Variants in CELF4 observed in about 807,000 individuals in gnomAD.
The protein encoded by CELF4 is CUGBP Elav-like family member 4, also known as CUG-BP- and ETR-3-like factor 4.
A neutral mutation model predicts 59.9 loss-of-function variants in CELF4; 18 were observed. The observed-to-expected ratio is 0.30, with a 90% CI of 0.21 to 0.45. The LOEUF is 0.45. CELF4 is among the 20% of genes least tolerant of loss of function. The pLI is 1.00. For synonymous variants in CELF4, 261 were observed against 267.1 expected, an observed-to-expected ratio of 0.98 and a Z score of 0.22; for missense variants, 456 against 689.0, an observed-to-expected ratio of 0.66 and a Z score of 3.79.
chr18:37,248,008 C>T (rs966425130), intron 12 of CELF4, among the ~76,000 whole-genome samples: 1 of 152,156 alleles, frequency 6.6e-6, no homozygotes, highest in African/African-American at 2.4e-5. Context: ...GCTATGGTAA[C>T]TGCTGTGTCC....
intron 1 of CELF4, among the ~76,000 whole-genome samples, chr18:37,496,023 GT>G (rs1156888515): frequency 1.3e-5 from 2 of 152,016 alleles, no homozygotes; most frequent in African/African-American, 4.8e-5. Context: ...CCCCAGCAGT[GT>G]GTGACCATAT....
chr18:37,505,296 A>C (rs1409838327), intron 1 of CELF4, among the ~76,000 whole-genome samples: 2 of 151,732 alleles, frequency 1.3e-5, no homozygotes, highest in African/African-American at 2.4e-5. Context: ...TCGTCTCCAC[A>C]CTCCCTTTCT....
chr18:37,516,329 C>T (rs1487147363), intron 1 of CELF4, among the ~76,000 whole-genome samples: 2 of 152,054 alleles, frequency 1.3e-5, no homozygotes, highest in Non-Finnish European at 2.9e-5. Context: ...TGTTAAGCAT[C>T]GCTTCCTCCT....
intron 1 of CELF4, among the ~76,000 whole-genome samples, chr18:37,516,136 C>CA (rs959786173): frequency 6.6e-6 from 1 of 151,918 alleles, no homozygotes; most frequent in Admixed American, 6.5e-5. Context: ...TTTTTTCTGG[C>CA]AAAAAATATT....
At chr18:37,315,915 T>C (rs975666732) in intron 3 of CELF4, among the ~76,000 whole-genome samples, 11 of 152,226 alleles carry the variant, frequency 7.2e-5, no homozygotes, top group East Asian at 3.9e-4. Context: ...GAGGCCATGG[T>C]AGTCAGAGCC....
intron 2 of CELF4, among the ~76,000 whole-genome samples, chr18:37,419,329 G>C (rs2154593479): frequency 6.6e-6 from 1 of 152,342 alleles, no homozygotes; most frequent in South Asian, 2.1e-4. Context: ...GATGCACTGA[G>C]GAGGAGGTTA....
chr18:37,350,716 AG>A (rs2098421162), intron 2 of CELF4, among the ~76,000 whole-genome samples: 2 of 152,212 alleles, frequency 1.3e-5, no homozygotes, highest in African/African-American at 2.4e-5. Context: ...TGACCTCGCA[AG>A]GGTCCCTTTA....
chr18:37,362,025 C>T (rs966362681), intron 2 of CELF4, among the ~76,000 whole-genome samples: 2 of 152,136 alleles, frequency 1.3e-5, no homozygotes, highest in Non-Finnish European at 2.9e-5. Context: ...GTCCCCTTCA[C>T]CTGGGTCCTG....
At chr18:37,378,325 G>C (rs1362700592) in intron 2 of CELF4, among the ~76,000 whole-genome samples, 6 of 152,154 alleles carry the variant, frequency 3.9e-5, no homozygotes, top group Admixed American at 2.6e-4. Context: ...CGCAGGGCTG[G>C]GCCACCCCCA....
At chr18:37,535,792 C>A (rs1467367124) in intron 1 of CELF4, among the ~76,000 whole-genome samples, 1 of 152,054 alleles carries the variant, frequency 6.6e-6, no homozygotes, top group Non-Finnish European at 1.5e-5. Context: ...GTGTGGAGAT[C>A]CCTACTTGGA....
chr18:37,491,114 C>A (rs2099902586), intron 1 of CELF4, among the ~76,000 whole-genome samples: 1 of 152,122 alleles, frequency 6.6e-6, no homozygotes, highest in Non-Finnish European at 1.5e-5. Context: ...CTCCCTATGG[C>A]ACCCTCTTCT....
At chr18:37,443,841 G>C (rs2099740359) in intron 2 of CELF4, among the ~76,000 whole-genome samples, 1 of 152,142 alleles carries the variant, frequency 6.6e-6, no homozygotes, top group African/African-American at 2.4e-5. Context: ...GATATTTACT[G>C]CTCACTCTGC....
chr18:37,346,988 G>A (rs138503967), intron 2 of CELF4, among the ~76,000 whole-genome samples: 25 of 152,236 alleles, frequency 1.6e-4, no homozygotes, highest in Non-Finnish European at 3.2e-4. Context: ...GGAAGAAGGG[G>A]AGTGGGAGAG....
At chr18:37,294,066 C>A (rs1161444372) in intron 3 of CELF4, among the ~76,000 whole-genome samples, 1 of 152,146 alleles carries the variant, frequency 6.6e-6, no homozygotes, top group East Asian at 1.9e-4. Flanking sequence ...AAAAGGAGTG[C>A]AGATTCTGGG....
rs2068150999 is a variant in CELF4, at chr18:37,254,807, C to T, written c.1334-869G>A. Among the ~76,000 whole-genome samples, 1 of 152,256 alleles carries T rather than the reference C, an allele frequency of 6.6e-6. No homozygotes were observed. Among genetic ancestry groups the T allele is most frequent in the Non-Finnish European group, 1.5e-5 (1 of 68,046 alleles). ...GCGCAGGTCCCAGATGGGCACAGGT[C>T]ATGTTCCCAAAATGAGGTCAGAAGT... On this transcript the variant is annotated intron_variant, in intron 11 of 12. Coordinates refer to ENST00000420428, the MANE Select transcript of CELF4 (RefSeq NM_020180.4). This position sits in a 1 kb window ranked among gnomAD's most constrained non-coding sequence, Gnocchi z 5.1.
At chr18:37,251,395 C>T (rs1186699040) in intron 12 of CELF4, among the ~76,000 whole-genome samples, 1 of 152,166 alleles carries the variant, frequency 6.6e-6, no homozygotes, top group Non-Finnish European at 1.5e-5. Context: ...CCTTATATCC[C>T]AAACAATAAA....
rs532399036 is a variant in CELF4, at chr18:37,465,825, A to G, written c.369+19700T>C. On this transcript the variant is annotated intron_variant, in intron 2 of 12. Transcript: ENST00000420428. ...GACATGAACACCTCCTTCAAGGACAAGCAAGAATTGGGGCAGGGGATGCAT... is the reference window on the plus strand; with the variant it reads ...GACATGAACACCTCCTTCAAGGACAGGCAAGAATTGGGGCAGGGGATGCAT... Among the ~76,000 whole-genome samples the G allele has an allele frequency of 6.9e-4, 105 of 152,348 alleles. 1 individual carries two copies. Among genetic ancestry groups the G allele is most frequent in the African/African-American group, 2.2e-3 (90 of 41,586 alleles).
At chr18:37,278,425 T>TCTAAGGC (rs2093681599) in intron 3 of CELF4, among the ~76,000 whole-genome samples, 1 of 152,226 alleles carries the variant, frequency 6.6e-6, no homozygotes, top group African/African-American at 2.4e-5. Flanking sequence ...TGCGAGTGAT[T>TCTAAGGC]CTAAGGCTTG....
chr18:37,301,125 T>C (rs967121679), intron 3 of CELF4, among the ~76,000 whole-genome samples: 2 of 152,026 alleles, frequency 1.3e-5, no homozygotes, highest in African/African-American at 4.8e-5. Flanking sequence ...CAGAGGATAC[T>C]CCAAGTGGGC....
Sources: gnomAD v4.1 joint callset for allele counts (sites outside exome capture counted in the v4.1 genomes callset) on GRCh38, gnomAD v4.1.1 for gene constraint, Gnocchi (gnomAD v3.1) non-coding constraint, MANE v1.5 for transcripts, NCBI Gene and HGNC (gene_info 2026-07-23, HGNC 2026-07-21) for gene names.